The following PDIA5 variants were observed in gnomAD, a reference collection of about 807,000 sequenced individuals.
The protein encoded by PDIA5 is protein disulfide-isomerase A5.
In PDIA5, 58 loss-of-function variants were observed where a neutral mutation model predicts 77.6. That is an observed-to-expected ratio of 0.75 (90% confidence interval 0.61 to 0.93). PDIA5 has a LOEUF of 0.93. PDIA5 is among the 40% of genes least tolerant of loss of function. The pLI is 0.00. For missense variants in PDIA5, 630 were observed against 647.7 expected, an observed-to-expected ratio of 0.97 and a Z score of 0.30; for synonymous variants, 250 against 252.1, an observed-to-expected ratio of 0.99 and a Z score of 0.08.
chr3:123,124,220 G>A (rs956744490), intron 9 of PDIA5, 52 bp from the exon 10 acceptor site: 11 of 1,576,826 alleles, frequency 7.0e-6, no homozygotes, highest in Non-Finnish European at 7.9e-6. Flanking sequence ...ATAATCTCAG[G>A]GTGGCATTTG....
At chr3:123,151,713 A>G (rs1330052844) in intron 14 of PDIA5, among the ~76,000 whole-genome samples, 2 of 149,660 alleles carry the variant, frequency 1.3e-5, no homozygotes, top group Non-Finnish European at 3.0e-5. Context: ...TTGGGCTGCC[A>G]AAGATCTACA....
chr3:123,079,175 C>CTTTTTTTTTTTTTTTTT (rs35252405), intron 1 of PDIA5, among the ~76,000 whole-genome samples: 3 of 94,080 alleles, frequency 3.2e-5, no homozygotes, highest in African/African-American at 8.6e-5. Context: ...ATTTTGAATT[C>CTTTTTTTTTTTTTTTTT]TTTTTTTTTT....
chr3:123,067,114 G>A lies in PDIA5; in HGVS notation c.-51G>A, dbSNP rs2107896028. 1.6e-6 allele frequency: 2 copies of A among 1,234,290 alleles called. No homozygotes were observed. The highest frequency in any genetic ancestry group is 7.9e-5 in the South Asian group (2 of 25,420). 76.5% of individuals were successfully genotyped at this position (1,234,290 alleles called of 1,614,324 possible). On this transcript the variant is annotated 5_prime_UTR_variant, in exon 1 of 17. Coordinates refer to ENST00000316218, the MANE Select transcript of PDIA5 (RefSeq NM_006810.4). ...GTGGAGCTAGCAGGCGGGCGGGCGG[G>A]AGCGGGCGCCGGAGTGGAGAAAGGA...
intron 1 of PDIA5, among the ~76,000 whole-genome samples, chr3:123,075,085 T>G (rs935181753): frequency 6.6e-6 from 1 of 152,268 alleles, no homozygotes; most frequent in African/African-American, 2.4e-5. Flanking sequence ...TGGTATCTAA[T>G]GTAGCAATCT....
At chr3:123,128,516 T>A (rs1184365680) in intron 10 of PDIA5, among the ~76,000 whole-genome samples, 1 of 152,108 alleles carries the variant, frequency 6.6e-6, no homozygotes, top group African/African-American at 2.4e-5. Context: ...TTTTATTTTT[T>A]TATTTTTTTA....
intron 1 of PDIA5, among the ~76,000 whole-genome samples, chr3:123,088,853 AT>A (rs1934209046): frequency 6.6e-6 from 1 of 152,038 alleles, no homozygotes; most frequent in Admixed American, 6.5e-5. Flanking sequence ...TTATCCCGTT[AT>A]TTTTTATGTT....
chr3:123,145,070 A>G (rs1935732516), intron 11 of PDIA5: 1 of 157,134 alleles, frequency 6.4e-6, no homozygotes, highest in Non-Finnish European at 1.4e-5. Flanking sequence ...TGATCACAGC[A>G]TGGTGCCACA....
chr3:123,090,168 G>A (rs1934246861), intron 2 of PDIA5, among the ~76,000 whole-genome samples: 6 of 152,204 alleles, frequency 3.9e-5, no homozygotes, highest in Admixed American at 3.3e-4. Context: ...TGGCACGTGG[G>A]ATGTGTTCAT....
At chr3:123,132,540 G>C (rs983886102) in intron 11 of PDIA5, among the ~76,000 whole-genome samples, 10 of 152,216 alleles carry the variant, frequency 6.6e-5, no homozygotes, top group African/African-American at 2.4e-4. Flanking sequence ...TCCTGATGAA[G>C]CGCAATGAAG....
chr3:123,112,667 C>T (rs1278253800), intron 7 of PDIA5, among the ~76,000 whole-genome samples: 3 of 150,704 alleles, frequency 2.0e-5, no homozygotes, highest in Non-Finnish European at 4.4e-5. Flanking sequence ...AAATGATTCT[C>T]CTGCCTCAGC....
At chr3:123,116,422 C>T (rs968987567) in intron 8 of PDIA5, 124 bp downstream of exon 8, 21 of 730,484 alleles carry the variant, frequency 2.9e-5, no homozygotes, top group African/African-American at 1.0e-4. Context: ...CTGCCTGGGC[C>T]GTTGCTGAAT....
chr3:123,093,118 G>GTTT (rs1217471403), intron 3 of PDIA5, among the ~76,000 whole-genome samples: 36 of 152,038 alleles, frequency 2.4e-4, no homozygotes, highest in African/African-American at 8.5e-4. Flanking sequence ...TGAATTTTTG[G>GTTT]GACATAACTG....
intron 1 of PDIA5, among the ~76,000 whole-genome samples, chr3:123,086,058 A>G (rs1197387876): frequency 6.6e-6 from 1 of 152,158 alleles, no homozygotes; most frequent in Non-Finnish European, 1.5e-5. Flanking sequence ...GTGATGAGGG[A>G]GAAATCATTC....
At chr3:123,139,548 C>G (rs1433375054) in intron 11 of PDIA5, among the ~76,000 whole-genome samples, 1 of 152,172 alleles carries the variant, frequency 6.6e-6, no homozygotes, top group East Asian at 1.9e-4. Context: ...AACTTTAGAA[C>G]AGCATCCTTA....
At chr3:123,106,572 T>C (rs938545386) in intron 5 of PDIA5, among the ~76,000 whole-genome samples, 177 bp from the exon 6 acceptor site, 1 of 152,178 alleles carries the variant, frequency 6.6e-6, no homozygotes, top group African/African-American at 2.4e-5. Context: ...CACTTATCCA[T>C]GATGTCAGTG....
chr3:123,105,062 T>C (rs1029547762), intron 5 of PDIA5, among the ~76,000 whole-genome samples: 3 of 152,202 alleles, frequency 2.0e-5, no homozygotes, highest in African/African-American at 7.2e-5. Flanking sequence ...CACTGCTATC[T>C]TTTTTTCTTG....
chr3:123,128,327 C>T (rs1935289748), intron 10 of PDIA5, among the ~76,000 whole-genome samples: 1 of 152,124 alleles, frequency 6.6e-6, no homozygotes, highest in Admixed American at 6.5e-5. Flanking sequence ...GTTATTTTAG[C>T]AGTTTTAGAG....
At chr3:123,132,668 A>G (rs1935397093) in intron 11 of PDIA5, among the ~76,000 whole-genome samples, 1 of 152,176 alleles carries the variant, frequency 6.6e-6, no homozygotes, top group South Asian at 2.1e-4. Flanking sequence ...TCCTAGCTAT[A>G]AAATACACTC....
At chr3:123,153,474 A>C (rs1935957689) in intron 14 of PDIA5, among the ~76,000 whole-genome samples, 1 of 152,254 alleles carries the variant, frequency 6.6e-6, no homozygotes, top group Admixed American at 6.5e-5. Context: ...GTTATGTCAA[A>C]TTAGTGAAGT....
Sources: allele counts gnomAD v4.1 joint callset (sites outside exome capture counted in the v4.1 genomes callset), GRCh38; gene constraint gnomAD v4.1.1; transcripts MANE v1.5; gene names NCBI Gene and HGNC (gene_info 2026-07-23, HGNC 2026-07-21).